Variants in PDE6D observed in about 807,000 individuals in gnomAD.
PDE6D encodes the protein phosphodiesterase 6D.
PDE6D carries 10 observed loss-of-function variants against 21.9 expected under a neutral mutation model. That is an observed-to-expected ratio of 0.46 (90% CI 0.28 to 0.78). PDE6D has a LOEUF of 0.78. Ranked by LOEUF, PDE6D falls within the 30% of genes least tolerant of loss-of-function variation. The probability of loss-of-function intolerance (pLI) is 0.12; values close to 1 mark genes in which losing one functional copy is unlikely to be tolerated. For synonymous variants in PDE6D, 59 were observed against 63.5 expected (o/e 0.93, Z 0.34); for missense variants, 139 against 184.8 (o/e 0.75, Z 1.44).
Position 231,747,585 on chromosome 2 carries a change from C to T in PDE6D, c.51-8397G>A, listed in dbSNP as rs114316700. The stretch of plus-strand genomic sequence containing the variant: ...TTTTCCCCGCTTCTATTCTTGCCTC[C>T]TTCTCCATTCTCTTCATAGAAGGAA... On this transcript the variant is annotated intron_variant, in intron 1 of 4. Coordinates refer to ENST00000287600, the MANE Select transcript of PDE6D (RefSeq NM_002601.4). Among the ~76,000 whole-genome samples the T allele has an allele frequency of 2.4e-3, 369 of 152,312 alleles. 6 individuals carry two copies. The highest frequency in any genetic ancestry group is 8.6e-3 in the African/African-American group (359 of 41,560).
intron 1 of PDE6D, among the ~76,000 whole-genome samples, chr2:231,762,283 T>G (rs1000633445): frequency 1.3e-5 from 2 of 151,420 alleles, no homozygotes; most frequent in Admixed American, 6.6e-5. Flanking sequence ...CTCTTTTCTA[T>G]CCCTTGAATG....
At chr2:231,776,457 CA>C in intron 1 of PDE6D, among the ~76,000 whole-genome samples, 1 of 151,640 alleles carries the variant, frequency 6.6e-6, no homozygotes, top group African/African-American at 2.4e-5. Context: ...GTGATATTTA[CA>C]ATTCCATTTT....
chr2:231,753,751 G>A (rs1413974813), intron 1 of PDE6D, among the ~76,000 whole-genome samples: 2 of 152,132 alleles, frequency 1.3e-5, no homozygotes, highest in African/African-American at 4.8e-5. Flanking sequence ...CAGAGTGCCA[G>A]TCCTAAAATA....
At chr2:231,752,300 G>T (rs895447568) in intron 1 of PDE6D, among the ~76,000 whole-genome samples, 4 of 152,212 alleles carry the variant, frequency 2.6e-5, no homozygotes, top group African/African-American at 9.7e-5. Context: ...GTTCTATCAC[G>T]TAGCAGCTGT....
At chr2:231,758,370 C>T (rs991476012) in intron 1 of PDE6D, among the ~76,000 whole-genome samples, 2 of 151,982 alleles carry the variant, frequency 1.3e-5, no homozygotes, top group Admixed American at 6.6e-5. Context: ...CTCCTGGGCT[C>T]GAGTGATGCC....
At chr2:231,757,316 T>C (rs573598013) in intron 1 of PDE6D, among the ~76,000 whole-genome samples, 1 of 150,376 alleles carries the variant, frequency 6.6e-6, no homozygotes, top group African/African-American at 2.4e-5. Flanking sequence ...TTTTTTTCTT[T>C]AGATGAGTTT....
intron 1 of PDE6D, among the ~76,000 whole-genome samples, chr2:231,758,981 G>A (rs1001619637): frequency 2.0e-5 from 3 of 152,118 alleles, no homozygotes; most frequent in Non-Finnish European, 2.9e-5. Flanking sequence ...ACAGGAAGGG[G>A]TGGTCCACAG....
chr2:231,763,834 A>T (rs990980849), intron 1 of PDE6D, among the ~76,000 whole-genome samples: 4 of 151,418 alleles, frequency 2.6e-5, no homozygotes, highest in Non-Finnish European at 4.4e-5. Context: ...GTTGAGACAG[A>T]GTCTATGTTG....
chr2:231,775,484 T>TG (rs2049048221), intron 1 of PDE6D, among the ~76,000 whole-genome samples: 3 of 133,304 alleles, frequency 2.3e-5, no homozygotes, highest in Non-Finnish European at 5.0e-5. Context: ...AATTTTTGTG[T>TG]GTGTTTTTTT....
At chr2:231,745,317 ATTTGT>A (rs2048785513) in intron 1 of PDE6D, among the ~76,000 whole-genome samples, 1 of 152,162 alleles carries the variant, frequency 6.6e-6, no homozygotes, top group Non-Finnish European at 1.5e-5. Flanking sequence ...CTAAAAACAT[ATTTGT>A]TTTAACAGCT....
chr2:231,762,980 T>C (rs758084713), intron 1 of PDE6D, among the ~76,000 whole-genome samples: 8 of 151,764 alleles, frequency 5.3e-5, no homozygotes, highest in African/African-American at 1.9e-4. Context: ...AGAGAAAGCA[T>C]TTGGTGGTAT....
intron 1 of PDE6D, among the ~76,000 whole-genome samples, chr2:231,763,748 G>C (rs1400281404): frequency 6.6e-6 from 1 of 150,668 alleles, no homozygotes; most frequent in African/African-American, 2.4e-5. Flanking sequence ...TGATCTTCCT[G>C]CTTCAGCCTC....
chr2:231,741,916 A>G (rs1450931956), intron 1 of PDE6D, among the ~76,000 whole-genome samples: 1 of 152,232 alleles, frequency 6.6e-6, no homozygotes. Context: ...AATGTTGAGA[A>G]ACAACAAAAC....
intron 1 of PDE6D, among the ~76,000 whole-genome samples, chr2:231,757,943 T>C (rs2106276436): frequency 6.6e-6 from 1 of 151,888 alleles, no homozygotes; most frequent in Admixed American, 6.6e-5. Flanking sequence ...AAGATGAGCA[T>C]GGCCCCTTAA....
intron 1 of PDE6D, among the ~76,000 whole-genome samples, chr2:231,740,653 C>T (rs1048736275): frequency 4.1e-5 from 6 of 144,814 alleles, no homozygotes; most frequent in African/African-American, 1.6e-4. Flanking sequence ...TGCACTCCAG[C>T]CTGGGCGACA....
At chr2:231,756,816 T>A (rs963130802) in intron 1 of PDE6D, among the ~76,000 whole-genome samples, 2 of 151,476 alleles carry the variant, frequency 1.3e-5, no homozygotes, top group South Asian at 2.1e-4. Context: ...CATTAAGAAT[T>A]CCCTGTGGTG....
chr2:231,756,541 A>G (rs774636370), intron 1 of PDE6D, among the ~76,000 whole-genome samples: 5 of 151,088 alleles, frequency 3.3e-5, no homozygotes, highest in Admixed American at 2.0e-4. Flanking sequence ...GGTGCCAGCA[A>G]TTCTTCCCAC....
chr2:231,770,868 G>A (rs2049009840), intron 1 of PDE6D, among the ~76,000 whole-genome samples: 1 of 151,790 alleles, frequency 6.6e-6, no homozygotes, highest in South Asian at 2.1e-4. Flanking sequence ...CAGGAGAATT[G>A]CTTGAACCTG....
At chr2:231,773,065 G>A (rs747968246) in intron 1 of PDE6D, among the ~76,000 whole-genome samples, 7 of 151,958 alleles carry the variant, frequency 4.6e-5, no homozygotes, top group Non-Finnish European at 1.0e-4. Flanking sequence ...TAGTGAAACC[G>A]TTTCTCTACA....
Sources: gnomAD v4.1 joint callset for allele counts (sites outside exome capture counted in the v4.1 genomes callset) on GRCh38, gnomAD v4.1.1 for gene constraint, MANE v1.5 for transcripts, NCBI Gene and HGNC (gene_info 2026-07-23, HGNC 2026-07-21) for gene names.